CADPS: variants seen among roughly 807,000 people sequenced by gnomAD.
The protein encoded by CADPS is calcium dependent secretion activator, also known as calcium-dependent secretion activator 1.
Under a neutral mutation model 167.3 loss-of-function variants are expected in CADPS, and 57 were observed. The ratio of observed to expected loss-of-function variants is 0.34; its 90% confidence interval spans 0.28 to 0.42. The LOEUF (loss-of-function observed/expected upper bound fraction) is 0.42. CADPS is among the 20% of genes least tolerant of loss of function. The pLI is 1.00. For missense variants in CADPS, 1,414 were observed against 1,738.1 expected (o/e 0.81, Z 3.32); for synonymous variants, 676 against 635.3 (o/e 1.06, Z -0.96).
At chr3:62,644,747 A>T (rs2068161090) in intron 6 of CADPS, among the ~76,000 whole-genome samples, 1 of 152,002 alleles carries the variant, frequency 6.6e-6, no homozygotes, top group African/African-American at 2.4e-5. Flanking sequence ...CCCCACTCCC[A>T]TTGCTCAACT....
intron 3 of CADPS, among the ~76,000 whole-genome samples, chr3:62,691,704 T>A (rs1179174608): frequency 6.6e-6 from 1 of 152,012 alleles, no homozygotes; most frequent in Non-Finnish European, 1.5e-5. Flanking sequence ...TTGCATGTTC[T>A]TACTCATAAG....
intron 8 of CADPS, among the ~76,000 whole-genome samples, chr3:62,572,606 T>G (rs1358203390): frequency 6.6e-6 from 1 of 152,236 alleles, no homozygotes; most frequent in East Asian, 1.9e-4. Flanking sequence ...TCTGTTCACC[T>G]ATTCTATGAT....
rs188467199 is a variant in CADPS at position 62,618,278 on chromosome 3, G to A, written c.1326-25530C>T. Among the ~76,000 whole-genome samples the A allele has an allele frequency of 3.3e-5, 5 of 152,114 alleles. No homozygotes were observed. The South Asian group carries it at 8.3e-4, about 25-fold the overall frequency. ...GGAAGGAGAGAGAGAAATTCTTAAT[G>A]TCATCGTTTGAGCATCTGGATCCAG... On this transcript the variant is annotated intron_variant, in intron 6 of 29. Coordinates refer to ENST00000383710, the MANE Select transcript of CADPS (RefSeq NM_003716.4).
chr3:62,585,138 T>C (rs780111523), intron 8 of CADPS, 47 bp downstream of exon 8: 27 of 1,570,264 alleles, frequency 1.7e-5, no homozygotes, highest in Non-Finnish European at 8.7e-7. Flanking sequence ...TTTTGAGAAA[T>C]GAACAGACGT....
At chr3:62,561,449 A>T (rs1447274030) in intron 9 of CADPS, among the ~76,000 whole-genome samples, 2 of 148,524 alleles carry the variant, frequency 1.3e-5, no homozygotes, top group Non-Finnish European at 3.0e-5. Flanking sequence ...TTTGGTAGAG[A>T]TGGTGGGGGG....
chr3:62,454,572 G>A (rs1409870672), intron 26 of CADPS, among the ~76,000 whole-genome samples: 1 of 152,186 alleles, frequency 6.6e-6, no homozygotes, highest in African/African-American at 2.4e-5. Flanking sequence ...GAAGGGAAAA[G>A]TCCTACCATG....
At chr3:62,555,812 C>T (rs1416115855) in intron 10 of CADPS, among the ~76,000 whole-genome samples, 1 of 152,154 alleles carries the variant, frequency 6.6e-6, no homozygotes, top group Admixed American at 6.5e-5. Context: ...GCAATCATAG[C>T]TTATTGCTGC....
intron 1 of CADPS, among the ~76,000 whole-genome samples, chr3:62,847,152 T>A (rs997431131): frequency 6.6e-6 from 1 of 152,190 alleles, no homozygotes; most frequent in Non-Finnish European, 1.5e-5. Context: ...GATGACTTTG[T>A]TAATTTTTTG....
At chr3:62,595,149 A>T (rs914697492) in intron 6 of CADPS, among the ~76,000 whole-genome samples, 2 of 152,114 alleles carry the variant, frequency 1.3e-5, no homozygotes, top group Non-Finnish European at 2.9e-5. Flanking sequence ...AGACCAGAAA[A>T]ATTGAGATGA....
chr3:62,541,495 A>G (rs556471899), intron 11 of CADPS, among the ~76,000 whole-genome samples: 1 of 152,278 alleles, frequency 6.6e-6, no homozygotes, highest in East Asian at 1.9e-4. Flanking sequence ...AATGGTTTCT[A>G]TGACATAGAT....
chr3:62,515,287 C>T (rs576210722), intron 16 of CADPS, among the ~76,000 whole-genome samples: 1 of 152,126 alleles, frequency 6.6e-6, no homozygotes, highest in South Asian at 2.1e-4. Flanking sequence ...ACACTTACAC[C>T]ACTGGTCAAG....
At chr3:62,535,610 A>T (rs1224576950) in intron 12 of CADPS, among the ~76,000 whole-genome samples, 6 of 152,068 alleles carry the variant, frequency 3.9e-5, no homozygotes, top group Non-Finnish European at 5.9e-5. Flanking sequence ...AAGACATTTC[A>T]TCATTTTCCC....
intron 6 of CADPS, among the ~76,000 whole-genome samples, chr3:62,634,465 G>A (rs1248517941): frequency 6.6e-6 from 1 of 151,874 alleles, no homozygotes; most frequent in Non-Finnish European, 1.5e-5. Flanking sequence ...TTACTCCATC[G>A]TGCATTTGGA....
At chr3:62,507,412 CTT>C (rs1274996333) in intron 17 of CADPS, among the ~76,000 whole-genome samples, 1 of 145,692 alleles carries the variant, frequency 6.9e-6, no homozygotes, top group Non-Finnish European at 1.5e-5. Flanking sequence ...TCTCTGTTTT[CTT>C]TTTTTTTTTG....
At chr3:62,576,813 A>AAAAAAAAAAAAAAAAAAAAAG (rs1562375615) in intron 8 of CADPS, among the ~76,000 whole-genome samples, 1 of 149,288 alleles carries the variant, frequency 6.7e-6, no homozygotes, top group African/African-American at 2.5e-5. Context: ...AAAAAAAAAA[A>AAAAAAAAAAAAAAAAAAAAAG]AAAAGCAGTC....
intron 1 of CADPS, among the ~76,000 whole-genome samples, chr3:62,858,367 C>T (rs371464395): frequency 1.3e-5 from 2 of 152,064 alleles, no homozygotes; most frequent in South Asian, 4.1e-4. Context: ...AGGAGAGGAG[C>T]CCCAAAACTT....
chr3:62,847,031 C>T (rs1467541133), intron 1 of CADPS, among the ~76,000 whole-genome samples: 1 of 152,176 alleles, frequency 6.6e-6, no homozygotes, highest in Non-Finnish European at 1.5e-5. Flanking sequence ...GTGTTTTAAA[C>T]CACTTTAGTC....
intron 8 of CADPS, among the ~76,000 whole-genome samples, chr3:62,581,025 A>G (rs1449874235): frequency 6.6e-6 from 1 of 152,194 alleles, no homozygotes; most frequent in African/African-American, 2.4e-5. Context: ...CAATAGCACA[A>G]AGAGGTACAG....
intron 17 of CADPS, among the ~76,000 whole-genome samples, chr3:62,503,897 G>A (rs2066185968): frequency 6.6e-6 from 1 of 152,032 alleles, no homozygotes; most frequent in African/African-American, 2.4e-5. Context: ...CCTTGGACCT[G>A]CTCCTTTCTA....
Sources: allele counts gnomAD v4.1 joint callset (sites outside exome capture counted in the v4.1 genomes callset), GRCh38; gene constraint gnomAD v4.1.1; transcripts MANE v1.5; gene names NCBI Gene and HGNC (gene_info 2026-07-23, HGNC 2026-07-21).